The following IGSF11 variants were observed in gnomAD, a reference collection of about 807,000 sequenced individuals.
IGSF11 encodes the protein immunoglobulin superfamily member 11.
In IGSF11, 22 loss-of-function variants were observed where a neutral mutation model predicts 41.0. That is an observed-to-expected ratio of 0.54 (90% CI 0.38 to 0.77). IGSF11 has a LOEUF of 0.77. Among genes scored for constraint, IGSF11 ranks in the 30% least tolerant of loss-of-function variants. The pLI is 0.00. For synonymous variants in IGSF11, 219 were observed against 201.3 expected (o/e 1.09, Z -0.74); for missense variants, 444 against 530.8 (o/e 0.84, Z 1.61).
chr3:118,913,089 T>A (rs1940548256), intron 4 of IGSF11, among the ~76,000 whole-genome samples: 1 of 150,220 alleles, frequency 6.7e-6, no homozygotes, highest in Non-Finnish European at 1.5e-5. Flanking sequence ...ACAGGTGATC[T>A]GGAAAAATAA....
chr3:118,931,325 T>G (rs928138975), intron 1 of IGSF11, among the ~76,000 whole-genome samples: 1 of 152,274 alleles, frequency 6.6e-6, no homozygotes, highest in Non-Finnish European at 1.5e-5. Flanking sequence ...AAAATGAAAA[T>G]GTATGTCCAC....
At position 119,007,325 on chromosome 3, in the gene IGSF11, C is replaced by T. The variant is rs1335765804; in HGVS notation, c.52+27206G>A. Among the ~76,000 whole-genome samples the T allele has an allele frequency of 5.7e-5, 8 of 140,108 alleles. No individual in the cohort carries two copies. The Middle Eastern group carries it at 0.01, about 181-fold the overall frequency. The allele number at this position is 140,108 out of a possible 152,430, so 91.9% of individuals were successfully genotyped here. ...CAATGCCTCGCCCTGCTTCGGCTCG[C>T]GCACGGTGCGCGCACTCACTGGCCT... On this transcript the variant is annotated intron_variant, in intron 1 of 6. Transcript: ENST00000393775.
intron 1 of IGSF11, among the ~76,000 whole-genome samples, chr3:119,052,576 G>A (rs1027741727): frequency 2.6e-5 from 4 of 151,914 alleles, no homozygotes; most frequent in Admixed American, 1.3e-4. Context: ...TCAGAGAATT[G>A]GTACCAATAC....
chr3:119,127,414 G>C (rs2077418628), intron 1 of IGSF11, among the ~76,000 whole-genome samples: 1 of 151,962 alleles, frequency 6.6e-6, no homozygotes, highest in African/African-American at 2.4e-5. Flanking sequence ...GGAGTACCAG[G>C]AGACAGGGAG....
chr3:119,073,914 G>A (rs144032382), intron 1 of IGSF11, among the ~76,000 whole-genome samples: 25 of 152,372 alleles, frequency 1.6e-4, no homozygotes, highest in South Asian at 1.2e-3. Flanking sequence ...CCAAGGAGGC[G>A]CCAAGAGTGA....
intron 1 of IGSF11, among the ~76,000 whole-genome samples, chr3:118,962,792 G>C (rs1302183683): frequency 3.3e-5 from 5 of 152,096 alleles, no homozygotes; most frequent in African/African-American, 1.2e-4. Flanking sequence ...AGCAGAACTA[G>C]AGAATGAGAA....
chr3:118,965,283 G>A (rs1227720593), intron 1 of IGSF11, among the ~76,000 whole-genome samples: 8 of 151,898 alleles, frequency 5.3e-5, no homozygotes, highest in South Asian at 4.1e-4. Flanking sequence ...AGCTACATAC[G>A]GCACCCTAAA....
intron 1 of IGSF11, among the ~76,000 whole-genome samples, chr3:118,966,057 T>C (rs941026588): frequency 2.0e-5 from 3 of 150,080 alleles, no homozygotes; most frequent in African/African-American, 4.9e-5. Context: ...AAAACTACAA[T>C]AGTAGTTAAT....
chr3:119,128,025 G>C (rs1243965172), intron 1 of IGSF11, among the ~76,000 whole-genome samples: 2 of 152,152 alleles, frequency 1.3e-5, no homozygotes, highest in African/African-American at 4.8e-5. Context: ...AGAGCATCAT[G>C]ATGACATGAT....
At chr3:119,128,225 G>A (rs1464334509) in intron 1 of IGSF11, among the ~76,000 whole-genome samples, 1 of 152,118 alleles carries the variant, frequency 6.6e-6, no homozygotes. Flanking sequence ...TGGGTGTGGT[G>A]GCAGGTGCCT....
chr3:119,098,402 C>G (rs981134018), intron 1 of IGSF11, among the ~76,000 whole-genome samples: 7 of 152,122 alleles, frequency 4.6e-5, no homozygotes, highest in African/African-American at 9.7e-5. Flanking sequence ...TGTCTTATAA[C>G]ATATTTGCAT....
At chr3:119,105,858 C>T (rs1312066744), upstream of IGSF11, among the ~76,000 whole-genome samples, 1 of 152,114 alleles carries the variant, frequency 6.6e-6, no homozygotes, top group African/African-American at 2.4e-5. Flanking sequence ...GTTAAGGTCC[C>T]TTTTTGCCCT....
At chr3:118,991,456 A>G (rs534731753) in intron 1 of IGSF11, among the ~76,000 whole-genome samples, 6 of 152,346 alleles carry the variant, frequency 3.9e-5, no homozygotes, top group African/African-American at 1.4e-4. Flanking sequence ...TGGGATAAAT[A>G]AGCCTTTTTG....
intron 1 of IGSF11, among the ~76,000 whole-genome samples, chr3:119,028,783 C>G (rs971649328): frequency 1.3e-5 from 2 of 151,956 alleles, no homozygotes; most frequent in Non-Finnish European, 2.9e-5. Flanking sequence ...TTGAAGCTGA[C>G]ATAGTCACAC....
At chr3:118,933,297 T>G (rs1942998529) in intron 1 of IGSF11, among the ~76,000 whole-genome samples, 1 of 152,092 alleles carries the variant, frequency 6.6e-6, no homozygotes. Flanking sequence ...GTCTGTTGCT[T>G]CATCTGTAAA....
intron 1 of IGSF11, among the ~76,000 whole-genome samples, chr3:119,050,122 TG>T (rs1941553830): frequency 6.7e-6 from 1 of 150,058 alleles, no homozygotes; most frequent in African/African-American, 2.4e-5. Flanking sequence ...CCAAAAGCAA[TG>T]GCAACAAAAG....
At chr3:118,990,572 C>T (rs993247678) in intron 1 of IGSF11, among the ~76,000 whole-genome samples, 4 of 152,106 alleles carry the variant, frequency 2.6e-5, no homozygotes, top group Non-Finnish European at 5.9e-5. Context: ...AATAATCTTA[C>T]ATAGATTCAC....
chr3:119,073,760 C>T lies in IGSF11; in HGVS notation c.49+31384G>A, dbSNP rs182794583. The stretch of plus-strand genomic sequence containing the variant: ...CTGGCCTGTGAGCACTGCACACAGC[C>T]CCGGTTTCCACCCACGCCTCTCCCT... On this transcript the variant is annotated intron_variant, in intron 1 of 6. Transcript: ENST00000354673. Among the ~76,000 whole-genome samples, 1,064 of 152,290 alleles carry T rather than the reference C, an allele frequency of 7.0e-3. 9 individuals carry two copies. Among genetic ancestry groups the T allele is most frequent in the Non-Finnish European group, 0.012 (822 of 68,008 alleles).
chr3:119,049,684 T>A (rs905004261), intron 1 of IGSF11, among the ~76,000 whole-genome samples: 1 of 152,202 alleles, frequency 6.6e-6, no homozygotes, highest in Non-Finnish European at 1.5e-5. Flanking sequence ...AGAGCCCTCA[T>A]TGACAAGTCA....
Sources: gnomAD v4.1 joint callset for allele counts (sites outside exome capture counted in the v4.1 genomes callset) on GRCh38, gnomAD v4.1.1 for gene constraint, MANE v1.5 for transcripts, NCBI Gene and HGNC (gene_info 2026-07-23, HGNC 2026-07-21) for gene names.